The following NEK8 variants were observed in gnomAD, a reference collection of about 807,000 sequenced individuals.
The protein encoded by NEK8 is NIMA related kinase 8, also known as serine/threonine-protein kinase Nek8.
A neutral mutation model predicts 77.2 loss-of-function variants in NEK8; 51 were observed. The ratio of observed to expected loss-of-function variants is 0.66; its 90% CI spans 0.53 to 0.83. The LOEUF is 0.83. NEK8 is among the 40% of genes least tolerant of loss of function. NEK8 has a pLI of 0.00. For synonymous variants in NEK8, 365 were observed against 363.2 expected (o/e 1.00, Z -0.06); for missense variants, 787 against 909.2 (o/e 0.87, Z 1.73).
At position 28,737,491 on chromosome 17, in the gene NEK8, C is replaced by T. The variant is rs748341861; in HGVS notation, c.804C>T (p.Asp268=). The change falls in exon 5 of 15, where the codon GAC becomes GAT. Residue 268 remains aspartate, a synonymous_variant. Transcript: ENST00000268766. The surrounding 1 kb of genome is among the most constrained non-coding windows in gnomAD (Gnocchi z 4.8). ...GTGCCCTCCTCAACCTCCACACCGA[C>T]GTGGGCAGTGTCCGCATGCGGAGGC... ...CIRALLNLHT[D]VGSVRMRRAE... 3.2e-5 allele frequency: 52 copies of T among 1,613,154 alleles called. 1 individual carries two copies. In the South Asian group the frequency reaches 4.3e-4, roughly 13 times the overall value.
In NEK8 at chr17:28,741,141, G is replaced by A. The variant is rs145165738; in HGVS notation, c.1796G>A (p.Arg599Gln). 3.2e-5 allele frequency: 51 copies of A among 1,614,026 alleles called. No individual in the cohort carries two copies. The highest frequency in any genetic ancestry group is 1.1e-4 in the East Asian group (5 of 44,900). ...GGACAGTTGGGCACCAATACTCGCC[G>A]AGGCAGTCGGGCACCCTGTAAGGTC... ...QHGQLGTNTRRGSRAPCKVQG... is the reference protein window; with the variant it reads ...QHGQLGTNTRQGSRAPCKVQG... Residue 599 changes from arginine to glutamine, a missense_variant, in exon 13 of 15, where the codon CGA (arginine) becomes CAA (glutamine). This residue lies in a region of NEK8 where 516 missense variants were observed against 544.0 expected (regional missense o/e 0.95). Coordinates refer to ENST00000268766, the MANE Select transcript of NEK8 (RefSeq NM_178170.3). This position sits in a 1 kb window ranked among gnomAD's most constrained non-coding sequence, Gnocchi z 4.5.
At chr17:28,735,578 C>T (rs1373904184) in intron 4 of NEK8, among the ~76,000 whole-genome samples, 1 of 152,068 alleles carries the variant, frequency 6.6e-6, no homozygotes. Context: ...CTCCTGAGGG[C>T]AGGGCTGTGG....
chr17:28,733,894 A>G, intron 1 of NEK8, 89 bp from the exon 2 acceptor site: 1 of 1,081,618 alleles, frequency 9.2e-7, no homozygotes, highest in South Asian at 1.3e-5. Flanking sequence ...CCCTCTTCCA[A>G]GAGACATCAG....
In NEK8 at chr17:28,740,460, T is replaced by C; in HGVS notation, c.1418-3T>C. 1 of 1,614,098 alleles carries C rather than the reference T, an allele frequency of 6.2e-7. No homozygotes were observed. Among genetic ancestry groups the C allele is most frequent in the South Asian group, 1.1e-5 (1 of 91,078 alleles). ...TTAACTCCTTCTGGGTTTCTTCTTGTAGGCAGACTGGGGCTAGGCACCAGG... is the reference window on the plus strand; with the variant it reads ...TTAACTCCTTCTGGGTTTCTTCTTGCAGGCAGACTGGGGCTAGGCACCAGG... On this transcript the variant is annotated splice_polypyrimidine_tract_variant and splice_region_variant and intron_variant, in intron 10 of 14. Transcript: ENST00000268766. The surrounding 1 kb of genome is among the most constrained non-coding windows in gnomAD (Gnocchi z 4.7).
chr17:28,738,603 G>A, intron 8 of NEK8, 68 bp from the exon 9 acceptor site: 2 of 1,424,514 alleles, frequency 1.4e-6, no homozygotes, highest in South Asian at 2.3e-5. Flanking sequence ...ACCCACTGGA[G>A]GACCGGGCTA....
At position 28,741,282 on chromosome 17, in the gene NEK8, G is replaced by T. The variant is rs367825684; in HGVS notation, c.1891+46G>T. 1.9e-6 allele frequency: 3 copies of T among 1,593,840 alleles called. No individual in the cohort carries two copies. Among genetic ancestry groups the T allele is most frequent in the South Asian group, 2.3e-5 (2 of 88,102 alleles). ...GGGCAGACAGTGCCATGAGCAGTGG[G>T]GGGTGGGGGTTGCTATTCAGGGCCA... is the stretch of plus-strand genomic sequence containing the variant. On this transcript the variant is annotated intron_variant, in intron 13 of 14. Transcript: ENST00000268766. The surrounding 1 kb of genome is among the most constrained non-coding windows in gnomAD (Gnocchi z 4.5).
chr17:28,731,678 A>G (rs6505091), intron 1 of NEK8, among the ~76,000 whole-genome samples: 84,442 of 149,530 alleles, frequency 0.56, 27,856 homozygotes, highest in East Asian at 0.77. Flanking sequence ...ATCTCGGCTC[A>G]TTGCAAGCTC....
At chr17:28,731,289 C>CA (rs1311943441) in intron 1 of NEK8, among the ~76,000 whole-genome samples, 33 of 149,958 alleles carry the variant, frequency 2.2e-4, no homozygotes, top group Admixed American at 2.2e-3. Flanking sequence ...CCTGTAATCC[C>CA]AGCACTTTGG....
At chr17:28,733,061 T>G (rs2034326300) in intron 1 of NEK8, 1 of 150,450 alleles carries the variant, frequency 6.6e-6, no homozygotes, top group Non-Finnish European at 1.5e-5. Context: ...TTTTTTTTTT[T>G]GCGAGAGTGG....
At position 28,731,908 on chromosome 17, in the gene NEK8, A is replaced by ATTTTTT. The variant is rs71135844; in HGVS notation, c.48-2040_48-2035dup. 5.7e-4 allele frequency among the ~76,000 whole-genome samples: 30 copies of ATTTTTT among 52,530 alleles called. 1 individual carries two copies. Among genetic ancestry groups the ATTTTTT allele is most frequent in the African/African-American group, 6.3e-4 (8 of 12,676 alleles). The allele number at this position is 52,530 out of a possible 152,430, so 34.5% of individuals were successfully genotyped here. ...GCGTGAGCCACCGCGCCTGGCCCCA[A>ATTTTTT]TTTTTTTTTTTTTTTTTTTTTTTTT... is the stretch of plus-strand genomic sequence containing the variant. On this transcript the variant is annotated intron_variant, in intron 1 of 14. Transcript: ENST00000268766.
chr17:28,743,246 T>G lies in NEK8; in HGVS notation c.*1259T>G, dbSNP rs901502596. The G allele has an allele frequency of 2.0e-5, 3 of 152,118 alleles. No individual in the cohort carries two copies. Among genetic ancestry groups the G allele is most frequent in the Admixed American group, 2.0e-4 (3 of 15,260 alleles). The allele number at this position is 152,118 out of a possible 1,614,324, so 9.4% of individuals were successfully genotyped here. On this transcript the variant is annotated 3_prime_UTR_variant, in exon 15 of 15. Transcript: ENST00000268766. ...GGGAGTGCTGCCACCTCCCCTACAC[T>G]TTCATCCTGAGGCAGGATTTGCTAG...
Position 28,737,903 on chromosome 17 carries a change from T to C in NEK8, c.974T>C (p.Leu325Pro). 1.2e-6 allele frequency: 2 copies of C among 1,613,754 alleles called. No homozygotes were observed. Among genetic ancestry groups the C allele is most frequent in the Non-Finnish European group, 1.7e-6 (2 of 1,179,968 alleles). Reference protein sequence around the residue: ...YAWGGGLGTPLRLPMLNTEVV... With the variant: ...YAWGGGLGTPPRLPMLNTEVV... ...TGGGGTGGTGGGCTGGGCACCCCCC[T>C]GCGGCTGCCAATGCTCAACACAGAG... The change falls in exon 7 of 15, where the codon CTG (leucine) becomes CCG (proline). Residue 325 changes from leucine (L) to proline (P), a missense_variant. By Grantham distance (98) the Leu-to-Pro change is moderately conservative. Around this residue, in one of 2 missense-constraint regions of NEK8, gnomAD observed 516 missense variants for 544.0 expected, o/e 0.95. Transcript: ENST00000268766. This position sits in a 1 kb window ranked among gnomAD's most constrained non-coding sequence, Gnocchi z 4.8.
At chr17:28,729,911 T>C (rs1003835898) in intron 1 of NEK8, among the ~76,000 whole-genome samples, 3 of 152,016 alleles carry the variant, frequency 2.0e-5, no homozygotes, top group Non-Finnish European at 1.5e-5. Flanking sequence ...AAGGGAGAAC[T>C]TTTCAGGCAA....
In NEK8 at chr17:28,739,106, T is replaced by C. The variant is rs2034395688; in HGVS notation, c.1322T>C (p.Leu441Pro). ...TAGCCCACCATTGTGGAGGCTTTGC[T>C]GGGCTATGAAATGGTGCAGGTGGCC... ...ISQPTIVEAL[L>P]GYEMVQVACG... Residue 441 changes from leucine (L) to proline (P), a missense_variant, in exon 10 of 15, where the codon CTG becomes CCG. Leu to Pro is a moderately conservative substitution (Grantham distance 98). Coordinates refer to ENST00000268766, the MANE Select transcript of NEK8 (RefSeq NM_178170.3). 1 of 1,613,980 alleles carries C rather than the reference T, an allele frequency of 6.2e-7. No individual in the cohort carries two copies. The highest frequency in any genetic ancestry group is 8.5e-7 in the Non-Finnish European group (1 of 1,179,906).
chr17:28,736,567 G>A (rs948049810), intron 4 of NEK8, among the ~76,000 whole-genome samples: 9 of 152,206 alleles, frequency 5.9e-5, no homozygotes, highest in Non-Finnish European at 1.2e-4. Context: ...CTGCATAAAT[G>A]TCTTCTTTTG....
rs756781368 is a variant in NEK8 at position 28,737,297 on chromosome 17, C to T, written c.619-9C>T. On this transcript the variant is annotated splice_polypyrimidine_tract_variant and intron_variant, in intron 4 of 14. Transcript: ENST00000268766. This position sits in a 1 kb window ranked among gnomAD's most constrained non-coding sequence, Gnocchi z 4.8. ...ACTTCCCCAAATTCTCAACCTGGTGCCTTCACAGAACTTGCCAGCACTGGT... is the reference window on the plus strand; with the variant it reads ...ACTTCCCCAAATTCTCAACCTGGTGTCTTCACAGAACTTGCCAGCACTGGT... 2 of 1,605,594 alleles carry T rather than the reference C, an allele frequency of 1.2e-6. No homozygotes were observed. The highest frequency in any genetic ancestry group is 1.7e-6 in the Non-Finnish European group (2 of 1,176,360).
At chr17:28,734,540 C>T (rs905941937) in intron 2 of NEK8, 19 of 578,186 alleles carry the variant, frequency 3.3e-5, no homozygotes, top group Non-Finnish European at 5.2e-5. Context: ...AAAAATTAGC[C>T]GGGTGTGGTG....
intron 8 of NEK8, 25 bp from the exon 9 acceptor site, chr17:28,738,646 C>T (rs763620687): frequency 1.2e-6 from 2 of 1,609,140 alleles, no homozygotes; most frequent in Non-Finnish European, 8.5e-7. Context: ...TTTCCCTTCT[C>T]CTTCCTCACT....
chr17:28,741,444 G>A lies in NEK8; in HGVS notation c.1923G>A (p.Ala641=), dbSNP rs570306344. ...AAGTGTACTCTTGGGGCAAAGGGGC[G>A]CGAGGTCGATTGGGAAGGAGGGATG... is the stretch of plus-strand genomic sequence containing the variant. ...ESEVYSWGKG[A]RGRLGRRDED... is the part of the protein sequence containing the mutation. Residue 641 remains alanine (A), a synonymous_variant, in exon 14 of 15, where the codon GCG becomes GCA. Transcript: ENST00000268766. This position sits in a 1 kb window ranked among gnomAD's most constrained non-coding sequence, Gnocchi z 4.5. 40 of 1,614,162 alleles carry A rather than the reference G, an allele frequency of 2.5e-5. No individual in the cohort carries two copies. In the African/African-American group the frequency reaches 3.1e-4, roughly 12 times the overall value.
Sources: allele counts gnomAD v4.1 joint callset (sites outside exome capture counted in the v4.1 genomes callset), GRCh38; gene constraint gnomAD v4.1.1; regional missense constraint gnomAD v4.1.1; non-coding constraint Gnocchi (gnomAD v3.1); transcripts MANE v1.5; gene names NCBI Gene and HGNC (gene_info 2026-07-23, HGNC 2026-07-21).